Variants in PABPC4L observed in about 807,000 individuals in gnomAD.
The protein encoded by PABPC4L is poly(A) binding protein cytoplasmic 4 like, also known as polyadenylate-binding protein 4-like.
For synonymous variants in PABPC4L, 169 were observed against 164.1 expected, an observed-to-expected ratio of 1.03 and a Z score of -0.23; for missense variants, 452 against 451.4, an observed-to-expected ratio of 1.00 and a Z score of -0.01.
At chr4:134,069,441 C>T in the PABPC4L span, among the ~76,000 whole-genome samples, 2 of 152,136 alleles carry the variant, frequency 1.3e-5, no homozygotes, top group African/African-American at 4.8e-5. Context: ...TTGTCTCCCT[C>T]TCTTTCAGGG....
chr4:134,046,984 C>CA, the PABPC4L span, among the ~76,000 whole-genome samples: 2 of 152,104 alleles, frequency 1.3e-5, no homozygotes, highest in Non-Finnish European at 2.9e-5. Context: ...CTTTTCCCTA[C>CA]AAAAAACAAA....
At chr4:133,999,757 T>C in the PABPC4L span, among the ~76,000 whole-genome samples, 1 of 151,936 alleles carries the variant, frequency 6.6e-6, no homozygotes, top group African/African-American at 2.4e-5. Context: ...AATAAAGATA[T>C]TTGGTCGTTT....
At chr4:134,160,925 C>A in the PABPC4L span, among the ~76,000 whole-genome samples, 16 of 151,720 alleles carry the variant, frequency 1.1e-4, no homozygotes, top group African/African-American at 3.6e-4. Flanking sequence ...AATATAACAT[C>A]ACCAAATGGA....
In PABPC4L at chr4:134,201,171, C is replaced by A; in HGVS notation, c.-152G>T. ...AGCAATGGAGTTCAGACACGACTCC[C>A]CCAGCTCAGGCAACACCCTCATCCA... On this transcript the variant is annotated 5_prime_UTR_variant, in exon 2 of 2. Coordinates refer to ENST00000421491, the MANE Select transcript of PABPC4L (RefSeq NM_001114734.2). The A allele has an allele frequency of 1.3e-6, 2 of 1,548,744 alleles. No homozygotes were observed. Among genetic ancestry groups the A allele is most frequent in the East Asian group, 2.5e-5 (1 of 40,798 alleles).
the PABPC4L span, among the ~76,000 whole-genome samples, chr4:134,095,817 T>C: frequency 4.0e-5 from 6 of 151,886 alleles, no homozygotes; most frequent in Non-Finnish European, 8.8e-5. Flanking sequence ...GGGAACATTT[T>C]CCCCCCAGGT....
the PABPC4L span, among the ~76,000 whole-genome samples, chr4:134,128,291 A>T: frequency 6.6e-6 from 1 of 152,162 alleles, no homozygotes; most frequent in South Asian, 2.1e-4. Flanking sequence ...TAGATATTCA[A>T]ATTAAAAAGA....
chr4:134,103,850 G>T, the PABPC4L span, among the ~76,000 whole-genome samples: 2 of 151,678 alleles, frequency 1.3e-5, no homozygotes, highest in Non-Finnish European at 3.0e-5. Context: ...AATTTTGTTA[G>T]ATTCTCCAAA....
At chr4:134,098,770 G>A in the PABPC4L span, among the ~76,000 whole-genome samples, 1 of 151,600 alleles carries the variant, frequency 6.6e-6, no homozygotes, top group Admixed American at 6.6e-5. Flanking sequence ...CTAGCAAATG[G>A]AGAATGATAA....
At chr4:134,168,571 A>G in the PABPC4L span, among the ~76,000 whole-genome samples, 3 of 151,974 alleles carry the variant, frequency 2.0e-5, no homozygotes, top group South Asian at 2.1e-4. Flanking sequence ...ATAAAATCAA[A>G]GAGAAAAAGA....
the PABPC4L span, among the ~76,000 whole-genome samples, chr4:134,084,330 G>A: frequency 6.6e-6 from 1 of 152,116 alleles, no homozygotes; most frequent in African/African-American, 2.4e-5. Context: ...ACAGATGTCA[G>A]CCACCTCACC....
the PABPC4L span, among the ~76,000 whole-genome samples, chr4:133,971,821 C>A: frequency 2.6e-5 from 4 of 152,142 alleles, no homozygotes; most frequent in African/African-American, 9.7e-5. Flanking sequence ...CATGTTGCAA[C>A]CTTAGATCCC....
At chr4:133,962,511 A>T in the PABPC4L span, among the ~76,000 whole-genome samples, 1 of 152,222 alleles carries the variant, frequency 6.6e-6, no homozygotes, top group East Asian at 1.9e-4. Flanking sequence ...CAGCAATAGA[A>T]TTCAACAAGT....
At chr4:134,050,112 G>A in the PABPC4L span, among the ~76,000 whole-genome samples, 1 of 152,104 alleles carries the variant, frequency 6.6e-6, no homozygotes, top group Non-Finnish European at 1.5e-5. Context: ...AATAAGCAGA[G>A]AAGATTAAGA....
chr4:134,151,859 A>T, the PABPC4L span, among the ~76,000 whole-genome samples: 2 of 151,862 alleles, frequency 1.3e-5, no homozygotes. Context: ...AAAGCTTATT[A>T]TAATATAAGA....
At chr4:134,041,963 A>C in the PABPC4L span, among the ~76,000 whole-genome samples, 5 of 152,312 alleles carry the variant, frequency 3.3e-5, no homozygotes, top group Non-Finnish European at 4.4e-5. Context: ...AGACATCTGC[A>C]TGTGTATATT....
At chr4:133,951,740 C>T in the PABPC4L span, among the ~76,000 whole-genome samples, 7 of 152,036 alleles carry the variant, frequency 4.6e-5, no homozygotes, top group Admixed American at 3.9e-4. Context: ...TTAATGGGGT[C>T]CCCTATGGGG....
At chr4:134,025,983 A>G in the PABPC4L span, among the ~76,000 whole-genome samples, 1 of 152,144 alleles carries the variant, frequency 6.6e-6, no homozygotes, top group African/African-American at 2.4e-5. Flanking sequence ...ACATTTTTCC[A>G]CTATTTTATT....
the PABPC4L span, among the ~76,000 whole-genome samples, chr4:134,098,639 G>T: frequency 6.6e-6 from 1 of 151,536 alleles, no homozygotes; most frequent in Non-Finnish European, 1.5e-5. Context: ...AAAGTTAATG[G>T]GGTCTTATGA....
chr4:134,066,710 T>A, the PABPC4L span, among the ~76,000 whole-genome samples: 1 of 152,156 alleles, frequency 6.6e-6, no homozygotes, highest in African/African-American at 2.4e-5. Flanking sequence ...TTGAGGTATG[T>A]TCCTTCATTG....
Sources: allele counts gnomAD v4.1 joint callset (sites outside exome capture counted in the v4.1 genomes callset), GRCh38; gene constraint gnomAD v4.1.1; transcripts MANE v1.5; gene names NCBI Gene and HGNC (gene_info 2026-07-23, HGNC 2026-07-21).